TLE4: variants seen among roughly 807,000 people sequenced by gnomAD.
TLE4 encodes the protein TLE family member 4, transcriptional corepressor.
Under a neutral mutation model 92.8 loss-of-function variants are expected in TLE4, and 8 were observed. That is an observed-to-expected ratio of 0.09 (90% CI 0.05 to 0.16). TLE4 has a LOEUF of 0.16. Ranked by LOEUF, TLE4 falls within the 10% of genes least tolerant of loss-of-function variation. TLE4 has a pLI of 1.00. For synonymous variants in TLE4, 371 were observed against 374.1 expected, an observed-to-expected ratio of 0.99 and a Z score of 0.10; for missense variants, 675 against 997.6, an observed-to-expected ratio of 0.68 and a Z score of 4.36.
chr9:79,707,115 A>G, intron 11 of TLE4: 1 of 1,612,150 alleles, frequency 6.2e-7, no homozygotes, highest in Non-Finnish European at 8.5e-7. Flanking sequence ...TTCTTTTTGC[A>G]AGGATAGAAG....
chr9:79,654,230 A>AT (rs35639126), intron 8 of TLE4, among the ~76,000 whole-genome samples, 155 bp downstream of exon 8: 7,800 of 131,214 alleles, frequency 0.059, 623 homozygotes, highest in African/African-American at 0.18. Context: ...TGTGTGGTTG[A>AT]TTTTTTTTTT....
chr9:79,721,024 C>G (rs1417396280), intron 16 of TLE4, among the ~76,000 whole-genome samples: 1 of 152,116 alleles, frequency 6.6e-6, no homozygotes, highest in African/African-American at 2.4e-5. Context: ...AGGTTGTAAC[C>G]AGAGGTAGCT....
chr9:79,583,564 T>G (rs1474852273), intron 4 of TLE4, among the ~76,000 whole-genome samples: 1 of 152,024 alleles, frequency 6.6e-6, no homozygotes, highest in Non-Finnish European at 1.5e-5. Flanking sequence ...CTAGGCAAAG[T>G]GAGAGGTTGG....
At position 79,572,644 on chromosome 9, in the gene TLE4, C is replaced by A; in HGVS notation, c.-147C>A. ...CCGCGCGTTCCTGCCGCCCGTGTCA[C>A]GCGAGACCCGGCGGGGGCCGGGACC... On this transcript the variant is annotated 5_prime_UTR_variant, in exon 1 of 20. Transcript: ENST00000376552. 1 of 494,840 alleles carries A rather than the reference C, an allele frequency of 2.0e-6. No homozygotes were observed. The highest frequency in any genetic ancestry group is 5.9e-5 in the South Asian group (1 of 16,854). The allele number at this position is 494,840 out of a possible 1,614,324, so 30.7% of individuals were successfully genotyped here.
chr9:79,634,829 T>G (rs550264196), intron 6 of TLE4, among the ~76,000 whole-genome samples: 1 of 152,222 alleles, frequency 6.6e-6, no homozygotes, highest in Non-Finnish European at 1.5e-5. Context: ...CAGTAGTTAG[T>G]GCCTGTGTAT....
chr9:79,722,207 T>C lies in TLE4; in HGVS notation c.1987-244T>C, dbSNP rs933252959. Among the ~76,000 whole-genome samples, 9 of 152,206 alleles carry C rather than the reference T, an allele frequency of 5.9e-5. No individual in the cohort carries two copies. The South Asian group carries it at 1.9e-3, about 32-fold the overall frequency. Reference sequence around the variant, plus strand: ...AAATGATACGGTTTTATGAAACATATCACCTACTGAAAGAAGAGGCAGTTC... The same window carrying C: ...AAATGATACGGTTTTATGAAACATACCACCTACTGAAAGAAGAGGCAGTTC... On this transcript the variant is annotated intron_variant, in intron 17 of 19. Transcript: ENST00000376552.
intron 8 of TLE4, among the ~76,000 whole-genome samples, chr9:79,665,605 A>G (rs1298792166): frequency 6.6e-6 from 1 of 152,212 alleles, no homozygotes; most frequent in Non-Finnish European, 1.5e-5. Flanking sequence ...TTTAGCAAAC[A>G]CTGACAGTAA....
At chr9:79,713,841 ATTG>A (rs544688626) in intron 14 of TLE4, among the ~76,000 whole-genome samples, 68 of 119,118 alleles carry the variant, frequency 5.7e-4, no homozygotes, top group African/African-American at 1.6e-3. Context: ...TGTTGGAATA[ATTG>A]TTGTTGTTTG....
chr9:79,694,187 C>G (rs988817517), intron 8 of TLE4, among the ~76,000 whole-genome samples: 1 of 152,040 alleles, frequency 6.6e-6, no homozygotes, highest in Non-Finnish European at 1.5e-5. Context: ...AGGGAAAGGT[C>G]AGAGAAACAG....
chr9:79,704,099 A>G (rs2070789441), intron 8 of TLE4, among the ~76,000 whole-genome samples: 1 of 151,784 alleles, frequency 6.6e-6, no homozygotes, highest in Non-Finnish European at 1.5e-5. Flanking sequence ...TTTCTCATAT[A>G]TGCTTCCTTT....
At chr9:79,722,044 A>T (rs1183602174) in intron 17 of TLE4, among the ~76,000 whole-genome samples, 156 bp downstream of exon 17, 1 of 152,212 alleles carries the variant, frequency 6.6e-6, no homozygotes, top group Non-Finnish European at 1.5e-5. Flanking sequence ...ATGTGCCTGT[A>T]GTCCCAGCTA....
chr9:79,647,397 A>T (rs570882601), intron 6 of TLE4, among the ~76,000 whole-genome samples: 57 of 152,310 alleles, frequency 3.7e-4, no homozygotes, highest in African/African-American at 1.3e-3. Context: ...TTAGGAATTT[A>T]AAAATTAAAA....
chr9:79,686,536 C>A (rs2065892535), intron 8 of TLE4, among the ~76,000 whole-genome samples: 1 of 152,064 alleles, frequency 6.6e-6, no homozygotes, highest in Non-Finnish European at 1.5e-5. Context: ...GACTCATGTC[C>A]TTATAAGGAG....
At chr9:79,581,856 G>A (rs1246355418) in intron 4 of TLE4, among the ~76,000 whole-genome samples, 5 of 152,100 alleles carry the variant, frequency 3.3e-5, no homozygotes, top group Middle Eastern at 3.2e-3. Flanking sequence ...CTCTGCAACT[G>A]CCTAGAGTCC....
intron 6 of TLE4, among the ~76,000 whole-genome samples, chr9:79,644,850 G>A (rs2057831829): frequency 6.6e-6 from 1 of 152,136 alleles, no homozygotes; most frequent in Admixed American, 6.5e-5. Flanking sequence ...TGAGGCACAC[G>A]TGCTCAGAGC....
In TLE4 at chr9:79,637,706, C is replaced by A. The variant is rs183517092; in HGVS notation, c.390+10258C>A. On this transcript the variant is annotated intron_variant, in intron 6 of 19. Transcript: ENST00000376552. ...GTCTGTTGTATCTTACTCTTATGAA[C>A]AAGAACTGAAAGTTGTTATAAACAC... 1.3e-3 allele frequency among the ~76,000 whole-genome samples: 200 copies of A among 152,252 alleles called. 3 individuals are homozygous for A. Among genetic ancestry groups the A allele is most frequent in the South Asian group, 5.0e-3 (24 of 4,830 alleles).
At chr9:79,686,221 C>T (rs113926067) in intron 8 of TLE4, among the ~76,000 whole-genome samples, 1 of 152,080 alleles carries the variant, frequency 6.6e-6, no homozygotes, top group Admixed American at 6.5e-5. Context: ...GTCCTGGAAC[C>T]AAACGCCCAT....
intron 8 of TLE4, among the ~76,000 whole-genome samples, chr9:79,671,951 A>AGATTTTATAC (rs1293669769): frequency 1.4e-5 from 2 of 146,020 alleles, no homozygotes; most frequent in Non-Finnish European, 3.0e-5. Context: ...TCAGTCTGGA[A>AGATTTTATAC]GATTTTATAC....
At chr9:79,721,656 G>A (rs1251667905) in intron 16 of TLE4, 85 bp from the exon 17 acceptor site, 1 of 1,575,914 alleles carries the variant, frequency 6.3e-7, no homozygotes, top group African/African-American at 1.4e-5. Flanking sequence ...GGCCTGCATT[G>A]AAATTGAATC....
Sources: gnomAD v4.1 joint callset for allele counts (sites outside exome capture counted in the v4.1 genomes callset) on GRCh38, gnomAD v4.1.1 for gene constraint, MANE v1.5 for transcripts, NCBI Gene and HGNC (gene_info 2026-07-23, HGNC 2026-07-21) for gene names.